Variants in TSBP1 observed in about 807,000 individuals in gnomAD.
TSBP1 encodes the protein testis expressed basic protein 1.
TSBP1 carries 56 observed loss-of-function variants against 68.8 expected under a neutral mutation model. The ratio of observed to expected loss-of-function variants is 0.81; its 90% CI spans 0.66 to 1.02. The LOEUF (loss-of-function observed/expected upper bound fraction) is 1.02. Ranked by LOEUF, TSBP1 falls within the 50% of genes least tolerant of loss-of-function variation. TSBP1 has a pLI of 0.00. For synonymous variants in TSBP1, 171 were observed against 208.7 expected (o/e 0.82, Z 1.56); for missense variants, 502 against 641.2 (o/e 0.78, Z 2.34).
At chr6:32,339,301 G>A (rs1346649425) in intron 10 of TSBP1, 2 of 541,410 alleles carry the variant, frequency 3.7e-6, no homozygotes, top group African/African-American at 3.8e-5. Flanking sequence ...TTTATTATAA[G>A]AATTTCCACT....
intron 18 of TSBP1, among the ~76,000 whole-genome samples, chr6:32,317,585 C>T (rs116667074): frequency 0.063 from 9,545 of 152,194 alleles, 463 homozygotes; most frequent in Non-Finnish European, 0.11. Flanking sequence ...TATCCAGCGC[C>T]TGTAAGGAAC....
chr6:32,343,278 A>T lies in TSBP1; in HGVS notation c.350-3640T>A. On this transcript the variant is annotated intron_variant, in intron 9 of 22. Coordinates refer to ENST00000612031, the Ensembl canonical transcript of TSBP1. The surrounding 1 kb of genome is among the most constrained non-coding windows in gnomAD (Gnocchi z 4.3). ...GTAAAGCTAAAGAACAATAACAATT[A>T]TTCAAGTCAGTCTAAAGTTTCAATA... 1 of 1,364,064 alleles carries T rather than the reference A, an allele frequency of 7.3e-7. No homozygotes were observed. The highest frequency in any genetic ancestry group is 9.6e-7 in the Non-Finnish European group (1 of 1,046,320). 84.5% of individuals were successfully genotyped at this position (1,364,064 alleles called of 1,614,324 possible).
Position 32,304,092 on chromosome 6 carries a change from G to T in TSBP1, c.581-1463C>A, listed in dbSNP as rs1166631109. ...ACAAATTGATTTTGGTCCTTTCTAT[G>T]TGGTTTCTTGTTTCTGTGGGCCTTT... On this transcript the variant is annotated intron_variant, in intron 19 of 22. Coordinates refer to ENST00000612031, the Ensembl canonical transcript of TSBP1. This position sits in a 1 kb window ranked among gnomAD's most constrained non-coding sequence, Gnocchi z 4.8. Among the ~76,000 whole-genome samples, 1 of 152,064 alleles carries T rather than the reference G, an allele frequency of 6.6e-6. No individual in the cohort carries two copies. The highest frequency in any genetic ancestry group is 1.5e-5 in the Non-Finnish European group (1 of 68,026).
intron 19 of TSBP1, among the ~76,000 whole-genome samples, chr6:32,309,644 C>T (rs1461066379): frequency 1.3e-5 from 2 of 152,036 alleles, no homozygotes; most frequent in Admixed American, 1.3e-4. Flanking sequence ...CAAGTAGGTA[C>T]ATGAAATATT....
chr6:32,354,492 CTTAA>C (rs1440164290), intron 8 of TSBP1, among the ~76,000 whole-genome samples: 1 of 151,980 alleles, frequency 6.6e-6, no homozygotes, highest in Non-Finnish European at 1.5e-5. Context: ...TACCAAGGAG[CTTAA>C]TTAATAGCTA....
chr6:32,325,445 A>G lies in TSBP1; in HGVS notation c.515-1831T>C. The G allele has an allele frequency of 1.1e-6, 1 of 917,444 alleles. No individual in the cohort carries two copies. The highest frequency in any genetic ancestry group is 1.3e-5 in the South Asian group (1 of 77,390). The allele number at this position is 917,444 out of a possible 1,614,324, so 56.8% of individuals were successfully genotyped here. On this transcript the variant is annotated intron_variant, in intron 16 of 22. Coordinates refer to ENST00000612031, the Ensembl canonical transcript of TSBP1. This position sits in a 1 kb window ranked among gnomAD's most constrained non-coding sequence, Gnocchi z 4.4. ...TGGATGCAGCCGTGAATGCAAGGCCACACAAGGTGGATGGAAGAGCTGTGG... is the reference window on the plus strand; with the variant it reads ...TGGATGCAGCCGTGAATGCAAGGCCGCACAAGGTGGATGGAAGAGCTGTGG...
At chr6:32,301,733 T>A (rs1288997029) in intron 20 of TSBP1, among the ~76,000 whole-genome samples, 1 of 149,306 alleles carries the variant, frequency 6.7e-6, no homozygotes. Context: ...AAGCACAGAA[T>A]AATAAGAAAG....
At chr6:32,332,236 T>G (rs1366557742) in intron 14 of TSBP1, among the ~76,000 whole-genome samples, 182 bp from the exon 16 acceptor site, 2 of 152,182 alleles carry the variant, frequency 1.3e-5, no homozygotes, top group African/African-American at 4.8e-5. Flanking sequence ...AAAAAGGATA[T>G]TTAGCATTTA....
chr6:32,366,354 A>C (rs763905377), intron 4 of TSBP1, 52 bp from the exon 5 acceptor site: 1 of 1,507,458 alleles, frequency 6.6e-7, no homozygotes. Context: ...AAGTGAGTCT[A>C]TATTATTTTT....
At chr6:32,348,788 T>C (rs1255822466) in intron 9 of TSBP1, among the ~76,000 whole-genome samples, 2 of 152,206 alleles carry the variant, frequency 1.3e-5, no homozygotes, top group Non-Finnish European at 2.9e-5. Context: ...TCAAGAAAGA[T>C]GACTTGCTTT....
At position 32,365,861 on chromosome 6, in the gene TSBP1, G is replaced by A; in HGVS notation, c.217+306C>T. ...AATGGTATTGTCTCATCTGTGGATA[G>A]TTGTCTAAATTGATGCTTCTGTGTG... On this transcript the variant is annotated intron_variant, in intron 6 of 22. Coordinates refer to ENST00000612031, the Ensembl canonical transcript of TSBP1. This position sits in a 1 kb window ranked among gnomAD's most constrained non-coding sequence, Gnocchi z 4.3. 1 of 498,954 alleles carries A rather than the reference G, an allele frequency of 2.0e-6. No individual in the cohort carries two copies. Among genetic ancestry groups the A allele is most frequent in the African/African-American group, 1.9e-5 (1 of 52,078 alleles). The allele number at this position is 498,954 out of a possible 1,614,324, so 30.9% of individuals were successfully genotyped here. A position where few individuals can be genotyped will look rare whatever the true frequency, so the allele number is the denominator to read the frequency against.
Position 32,304,468 on chromosome 6 carries a change from T to A in TSBP1, c.581-1839A>T, listed in dbSNP as rs1298263035. ...CATTAAATCTTCTAGGAATATGCTA[T>A]CTCTTATTAAGTCAATTTTAACTCC... On this transcript the variant is annotated intron_variant, in intron 19 of 22. Coordinates refer to ENST00000612031, the Ensembl canonical transcript of TSBP1. This position sits in a 1 kb window ranked among gnomAD's most constrained non-coding sequence, Gnocchi z 4.8. Among the ~76,000 whole-genome samples the A allele has an allele frequency of 6.6e-6, 1 of 152,172 alleles. No individual in the cohort carries two copies. The highest frequency in any genetic ancestry group is 2.4e-5 in the African/African-American group (1 of 41,436).
intron 1 of TSBP1, among the ~76,000 whole-genome samples, chr6:32,370,993 T>C (rs192629754): frequency 3.3e-5 from 5 of 152,220 alleles, no homozygotes; most frequent in African/African-American, 1.2e-4. Context: ...AAACGAACAA[T>C]AGGTGAATCC....
chr6:32,298,203 A>G (rs1326468305), intron 22 of TSBP1, among the ~76,000 whole-genome samples: 1 of 151,784 alleles, frequency 6.6e-6, no homozygotes, highest in African/African-American at 2.4e-5. Flanking sequence ...CACTTTTTCT[A>G]TGTGAGGAGA....
chr6:32,319,835 T>C (rs510564), intron 18 of TSBP1, among the ~76,000 whole-genome samples: 31,450 of 147,702 alleles, frequency 0.21, 4,749 homozygotes, highest in African/African-American at 0.42. Flanking sequence ...GGCTATATTT[T>C]CAGTGCTTAG....
At chr6:32,360,595 C>T (rs1772895557) in intron 6 of TSBP1, among the ~76,000 whole-genome samples, 1 of 152,076 alleles carries the variant, frequency 6.6e-6, no homozygotes, top group South Asian at 2.1e-4. Context: ...TATGGTAGTT[C>T]TATTTTTAAT....
exon 23 of TSBP1, chr6:32,293,026 C>T (rs777790905): frequency 1.2e-5 from 20 of 1,611,498 alleles, no homozygotes; most frequent in African/African-American, 6.7e-5. Context: ...TATTTGCCTT[C>T]GCCCTTTTCG....
chr6:32,311,003 A>G (rs977039139), intron 19 of TSBP1, among the ~76,000 whole-genome samples: 2 of 151,718 alleles, frequency 1.3e-5, no homozygotes, highest in Non-Finnish European at 2.9e-5. Context: ...GTCAGTTCTT[A>G]CTCCAAAAAT....
rs150175146 is a variant in TSBP1 at position 32,300,269 on chromosome 6, G to A, written c.623-333C>T. ...TCTGCAAAACAGTTTTTTGCTCACTGTTCTGGTCCGTTTGAAAAATGTATA... is the reference window on the plus strand; with the variant it reads ...TCTGCAAAACAGTTTTTTGCTCACTATTCTGGTCCGTTTGAAAAATGTATA... On this transcript the variant is annotated intron_variant, in intron 21 of 22. Transcript: ENST00000612031. Among the ~76,000 whole-genome samples, 1,016 of 152,222 alleles carry A rather than the reference G, an allele frequency of 6.7e-3. 18 individuals carry two copies. Among genetic ancestry groups the A allele is most frequent in the East Asian group, 0.02 (102 of 5,186 alleles).
Sources: gnomAD v4.1 joint callset for allele counts (sites outside exome capture counted in the v4.1 genomes callset) on GRCh38, gnomAD v4.1.1 for gene constraint, Gnocchi (gnomAD v3.1) non-coding constraint, MANE v1.5 for transcripts, NCBI Gene and HGNC (gene_info 2026-07-23, HGNC 2026-07-21) for gene names.